TET3: variants seen among roughly 807,000 people sequenced by gnomAD.
The protein encoded by TET3 is tet methylcytosine dioxygenase 3.
In TET3, 19 loss-of-function variants were observed where a neutral mutation model predicts 141.4. That is an observed-to-expected ratio of 0.13 (90% CI 0.09 to 0.20). The LOEUF (loss-of-function observed/expected upper bound fraction) is 0.20, where lower values mean the gene tolerates loss of function less well. Ranked by LOEUF, TET3 falls within the 10% of genes least tolerant of loss-of-function variation. The pLI, the probability that TET3 is intolerant of heterozygous loss-of-function variation, is 1.00. For missense variants in TET3, 1,874 were observed against 2,356.9 expected (o/e 0.80, Z 4.24); for synonymous variants, 1,043 against 980.9 (o/e 1.06, Z -1.18).
rs1229797119 is a variant in TET3, at chr2:74,048,302, C to T, written c.2385C>T (p.Leu795=). ...TKAENPLTPT[L]SGFLESPLKY... is the part of the protein sequence containing the mutation. ...CTGAGAACCCACTCACACCCACCCT[C>T]AGTGGCTTCTTGGAGTCACCTCTTA... The change falls in exon 4 of 12, where the codon CTC becomes CTT. Residue 795 remains leucine (L), a synonymous_variant. Transcript: ENST00000409262. 1.2e-6 allele frequency: 2 copies of T among 1,613,952 alleles called. No individual in the cohort carries two copies. The highest frequency in any genetic ancestry group is 1.7e-6 in the Non-Finnish European group (2 of 1,179,886).
At chr2:73,997,001 G>A (rs967329621) in intron 2 of TET3, among the ~76,000 whole-genome samples, 1 of 152,236 alleles carries the variant, frequency 6.6e-6, no homozygotes, top group African/African-American at 2.4e-5. Context: ...TGACTGGTAC[G>A]AATTCTAGCT....
rs1485447625 is a variant in TET3 at position 74,106,006 on chromosome 2, G to A, written c.*3830G>A. 1.3e-5 allele frequency: 2 copies of A among 153,038 alleles called. No individual in the cohort carries two copies. Among genetic ancestry groups the A allele is most frequent in the South Asian group, 2.1e-4 (1 of 4,814 alleles). 9.5% of individuals were successfully genotyped at this position (153,038 alleles called of 1,614,324 possible). On this transcript the variant is annotated 3_prime_UTR_variant, in exon 12 of 12. Coordinates refer to ENST00000409262, the MANE Select transcript of TET3 (RefSeq NM_001287491.2). ...AAATGGTGCTATGGTGTTTTAATGT[G>A]ACTGTCCCTGATCCTGTCTTGCTGA...
rs1684018443 is a variant in TET3 at position 73,986,191 on chromosome 2, G to C, written c.-213G>C. The C allele has an allele frequency of 5.1e-6, 2 of 392,244 alleles. No individual in the cohort carries two copies. Among genetic ancestry groups the C allele is most frequent in the African/African-American group, 2.1e-5 (1 of 48,490 alleles). The allele number at this position is 392,244 out of a possible 1,614,324, so 24.3% of individuals were successfully genotyped here. Reference sequence around the variant, plus strand: ...AGATCCTGGGCCCCAGCAGGTGGGAGAGTGGCCCCCTACGGAGTCCGATCA... The same window carrying C: ...AGATCCTGGGCCCCAGCAGGTGGGACAGTGGCCCCCTACGGAGTCCGATCA... On this transcript the variant is annotated 5_prime_UTR_variant, in exon 2 of 12. Transcript: ENST00000409262.
chr2:74,042,808 G>A (rs1687407638), intron 3 of TET3, among the ~76,000 whole-genome samples: 1 of 152,220 alleles, frequency 6.6e-6, no homozygotes, highest in Admixed American at 6.5e-5. Flanking sequence ...TTACTGACAG[G>A]TGTTGAGAAA....
chr2:74,090,562 C>G (rs1046378397), intron 8 of TET3, among the ~76,000 whole-genome samples: 6 of 152,226 alleles, frequency 3.9e-5, no homozygotes, highest in African/African-American at 1.4e-4. Context: ...GGCCTGGTCC[C>G]TGGGCTCTGG....
At chr2:74,112,893 C>T (rs1691735177), downstream of TET3, among the ~76,000 whole-genome samples, 1 of 150,124 alleles carries the variant, frequency 6.7e-6, no homozygotes, top group African/African-American at 2.5e-5. Flanking sequence ...CCCAGCTACT[C>T]GAGAGGCTGA....
chr2:74,100,344 G>A, intron 11 of TET3, 49 bp from the exon 12 acceptor site: 2 of 1,535,422 alleles, frequency 1.3e-6, no homozygotes, highest in Non-Finnish European at 1.8e-6. Context: ...GGCCTCTCCA[G>A]GCTGTGGTGT....
the TET3 span, among the ~76,000 whole-genome samples, chr2:74,125,210 G>T: frequency 6.6e-6 from 1 of 152,134 alleles, no homozygotes; most frequent in African/African-American, 2.4e-5. Context: ...TCGAACTCCT[G>T]ACCTCAGGTG....
intron 3 of TET3, among the ~76,000 whole-genome samples, chr2:74,035,705 C>T (rs113106223): frequency 2.0e-5 from 3 of 151,598 alleles, no homozygotes; most frequent in Non-Finnish European, 4.4e-5. Context: ...CCAGCCTGGG[C>T]GACAGAGTGA....
chr2:74,010,316 G>A (rs1464931791), intron 3 of TET3, among the ~76,000 whole-genome samples: 8 of 152,294 alleles, frequency 5.3e-5, no homozygotes, highest in East Asian at 1.9e-4. Context: ...GTTGCTCCCC[G>A]CTGGGTCTTT....
chr2:74,092,886 G>C lies in TET3; in HGVS notation c.3040-16G>C, dbSNP rs549670584. On this transcript the variant is annotated splice_polypyrimidine_tract_variant and intron_variant, in intron 8 of 11. Transcript: ENST00000409262. ...GCGGGGCTGCTCTGGATGTGTGACT[G>C]CCCCTCTCTCTGCAGGAAGAAGTGC... 1.3e-6 allele frequency: 2 copies of C among 1,573,974 alleles called. No homozygotes were observed. Among genetic ancestry groups the C allele is most frequent in the South Asian group, 2.3e-5 (2 of 85,568 alleles).
At chr2:74,088,136 C>T in intron 7 of TET3, 98 bp downstream of exon 7, 3 of 1,241,436 alleles carry the variant, frequency 2.4e-6, no homozygotes, top group Non-Finnish European at 3.3e-6. Context: ...CTCCTAGGGG[C>T]CCTCTCTGCG....
chr2:74,077,561 AAG>A (rs371119544), intron 5 of TET3, among the ~76,000 whole-genome samples: 23 of 152,344 alleles, frequency 1.5e-4, no homozygotes, highest in African/African-American at 5.5e-4. Context: ...CTTGAGAAGA[AAG>A]AGCTAAAATG....
Position 74,055,199 on chromosome 2 carries a change from C to T in TET3, c.2494+6788C>T, listed in dbSNP as rs373629977. Among the ~76,000 whole-genome samples the T allele has an allele frequency of 3.3e-5, 5 of 152,178 alleles. No homozygotes were observed. In the South Asian group the frequency reaches 6.2e-4, roughly 19 times the overall value. On this transcript the variant is annotated intron_variant, in intron 4 of 11. Transcript: ENST00000409262. Reference sequence around the variant, plus strand: ...ACAGGAGTGAGCCACCATGCCTGGCCGCGTGTTGTATTTATAAAGCATCTA... The same window carrying T: ...ACAGGAGTGAGCCACCATGCCTGGCTGCGTGTTGTATTTATAAAGCATCTA...
chr2:74,046,468 C>T lies in TET3; in HGVS notation c.551C>T (p.Ala184Val). The change falls in exon 4 of 12, where the codon GCT (alanine) becomes GTT (valine). Residue 184 changes from alanine (A) to valine (V), a missense_variant. Transcript: ENST00000409262. This position sits in a 1 kb window ranked among gnomAD's most constrained non-coding sequence, Gnocchi z 4.3. ...GTAGACCAAAAGCCCGACTGGGAGGCTGCCCCAGGCCCAGCTCATACTGCT... is the reference window on the plus strand; with the variant it reads ...GTAGACCAAAAGCCCGACTGGGAGGTTGCCCCAGGCCCAGCTCATACTGCT... ...WRVDQKPDWE[A>V]APGPAHTARL... 1 of 1,611,762 alleles carries T rather than the reference C, an allele frequency of 6.2e-7. No homozygotes were observed. The highest frequency in any genetic ancestry group is 1.3e-5 in the African/African-American group (1 of 74,988).
chr2:73,988,374 G>A (rs1684151487), intron 2 of TET3, among the ~76,000 whole-genome samples: 1 of 152,132 alleles, frequency 6.6e-6, no homozygotes, highest in Admixed American at 6.5e-5. Context: ...TAATTAAACG[G>A]GAGGAATGAG....
chr2:74,071,831 T>C (rs7606491), intron 4 of TET3, among the ~76,000 whole-genome samples: 52,683 of 152,116 alleles, frequency 0.35, 10,444 homozygotes, highest in African/African-American at 0.54. Context: ...TTTCCAAAGC[T>C]GCTACTATGT....
intron 4 of TET3, among the ~76,000 whole-genome samples, chr2:74,051,459 G>A (rs905779783): frequency 1.4e-4 from 21 of 152,228 alleles, no homozygotes; most frequent in Admixed American, 3.3e-4. Context: ...TATGGTCGGA[G>A]TATGGATGAC....
At chr2:74,049,497 C>G (rs1417215796) in intron 4 of TET3, among the ~76,000 whole-genome samples, 1 of 152,086 alleles carries the variant, frequency 6.6e-6, no homozygotes, top group Non-Finnish European at 1.5e-5. Flanking sequence ...AGCTCCAGGT[C>G]CACTCGGCCC....
Sources: allele counts gnomAD v4.1 joint callset (sites outside exome capture counted in the v4.1 genomes callset), GRCh38; gene constraint gnomAD v4.1.1; non-coding constraint Gnocchi (gnomAD v3.1); transcripts MANE v1.5; gene names NCBI Gene and HGNC (gene_info 2026-07-23, HGNC 2026-07-21).